The following SYNE2 variants were observed in gnomAD, a reference collection of about 807,000 sequenced individuals.
SYNE2 encodes the protein spectrin repeat containing nuclear envelope protein 2, also known as nesprin-2.
Under a neutral mutation model 856.3 loss-of-function variants are expected in SYNE2, and 431 were observed. The observed-to-expected ratio is 0.50, with a 90% CI of 0.47 to 0.55. SYNE2 has a LOEUF of 0.55. Ranked by LOEUF, SYNE2 falls within the 20% of genes least tolerant of loss-of-function variation. The pLI is 0.00. For missense variants in SYNE2, 8,129 were observed against 8,023.2 expected (o/e 1.01, Z -0.50); for synonymous variants, 2,923 against 2,872.3 (o/e 1.02, Z -0.56).
Position 64,215,336 on chromosome 14 carries a change from A to G in SYNE2, c.19384A>G (p.Thr6462Ala). Residue 6462 changes from threonine to alanine, a missense_variant, in exon 107 of 116, where the codon ACT (threonine) becomes GCT (alanine). Thr to Ala is a moderately conservative substitution (Grantham distance 58). Transcript: ENST00000555002. ...GGCATATCTTAAAATGACCACAAAA[A>G]CTTTGAAAGCGTCTTCTGGTAGGCC... ...PEAYLKMTTK[T>A]LKASSGKSIS... 3 of 1,614,044 alleles carry G rather than the reference A, an allele frequency of 1.9e-6. No individual in the cohort carries two copies. Among genetic ancestry groups the G allele is most frequent in the Non-Finnish European group, 2.5e-6 (3 of 1,180,000 alleles).
chr14:64,099,016 A>T (rs1175626422), intron 63 of SYNE2, 195 bp downstream of exon 63: 3 of 596,192 alleles, frequency 5.0e-6, no homozygotes, highest in Non-Finnish European at 9.0e-6. Context: ...TGTAAGAGTG[A>T]GATGAATGTA....
chr14:63,957,379 C>T (rs1284881570), intron 8 of SYNE2, among the ~76,000 whole-genome samples: 2 of 150,372 alleles, frequency 1.3e-5, no homozygotes, highest in Admixed American at 6.7e-5. Context: ...AGTGATTCTC[C>T]TGCCTCAGCC....
At chr14:64,195,474 A>G (rs922761093) in intron 99 of SYNE2, among the ~76,000 whole-genome samples, 1 of 152,212 alleles carries the variant, frequency 6.6e-6, no homozygotes, top group African/African-American at 2.4e-5. Context: ...CTTGAAGATT[A>G]GCTCCTTCCT....
intron 1 of SYNE2, among the ~76,000 whole-genome samples, chr14:63,905,913 A>T (rs747092675): frequency 6.6e-6 from 1 of 152,116 alleles, no homozygotes; most frequent in African/African-American, 2.4e-5. Context: ...TTGCCCGTTG[A>T]ATATGATGTT....
chr14:63,980,743 T>G lies in SYNE2; in HGVS notation c.1648+11T>G. 1 of 1,533,590 alleles carries G rather than the reference T, an allele frequency of 6.5e-7. No individual in the cohort carries two copies. The highest frequency in any genetic ancestry group is 9.0e-7 in the Non-Finnish European group (1 of 1,107,662). The allele number at this position is 1,533,590 out of a possible 1,614,324, so 95.0% of individuals were successfully genotyped here. ...TTTATAAGAATTTGGGTAAAGTGGT[T>G]CAGTTACTTTCTGATGGAATGACTG... is the stretch of plus-strand genomic sequence containing the variant. On this transcript the variant is annotated intron_variant, in intron 15 of 115. Transcript: ENST00000555002.
Position 64,144,040 on chromosome 14 carries a change from A to G in SYNE2, c.15483+92A>G. ...AAAAAGACGTTCAATTAGTTGACTG[A>G]TTATTAAGCCTAATAATCATCTCAA... On this transcript the variant is annotated intron_variant, in intron 83 of 115. Transcript: ENST00000555002. 6.2e-6 allele frequency: 9 copies of G among 1,461,928 alleles called. 1 individual carries two copies. In the South Asian group the frequency reaches 9.1e-5, roughly 15 times the overall value. 90.6% of individuals were successfully genotyped at this position (1,461,928 alleles called of 1,614,324 possible). A position where few individuals can be genotyped will look rare whatever the true frequency, so the allele number is the denominator to read the frequency against.
At chr14:64,129,179 C>A (rs548567992) in intron 74 of SYNE2, among the ~76,000 whole-genome samples, 1 of 152,130 alleles carries the variant, frequency 6.6e-6, no homozygotes, top group African/African-American at 2.4e-5. Flanking sequence ...CAGTGGCACA[C>A]GGCTGTAGTC....
intron 1 of SYNE2, among the ~76,000 whole-genome samples, chr14:63,841,732 T>C (rs1037985977): frequency 1.3e-5 from 2 of 152,172 alleles, no homozygotes; most frequent in Admixed American, 6.6e-5. Context: ...TTCAGATTTC[T>C]CTTATGAAGT....
chr14:63,793,041 A>G (rs1005325678), intron 1 of SYNE2, among the ~76,000 whole-genome samples: 1 of 152,168 alleles, frequency 6.6e-6, no homozygotes, highest in African/African-American at 2.4e-5. Context: ...TTAAAGCTAT[A>G]TTATTAGCAC....
rs143359255 is a variant in SYNE2, at chr14:64,157,307, C to T, written c.15793-1318C>T. ...CTAGTCTACCTTCTTATGGATTTAC[C>T]TATTCTGGACGTTTTATATAAATAG... is the stretch of plus-strand genomic sequence containing the variant. On this transcript the variant is annotated intron_variant, in intron 85 of 115. Transcript: ENST00000555002. 2.5e-3 allele frequency among the ~76,000 whole-genome samples: 378 copies of T among 152,282 alleles called. 1 individual carries two copies. The highest frequency in any genetic ancestry group is 8.7e-3 in the African/African-American group (362 of 41,544).
chr14:63,779,870 G>A (rs1887246560), intron 1 of SYNE2, among the ~76,000 whole-genome samples: 1 of 152,046 alleles, frequency 6.6e-6, no homozygotes, highest in Admixed American at 6.6e-5. Context: ...CAGGGGCGGA[G>A]ATGGGCAGAG....
chr14:63,817,587 A>G (rs557102271), intron 1 of SYNE2, among the ~76,000 whole-genome samples: 8 of 152,356 alleles, frequency 5.3e-5, no homozygotes, highest in Admixed American at 3.9e-4. Context: ...AAATGGAGCT[A>G]GTTCAAGTTG....
rs955153239 is a variant in SYNE2, at chr14:63,803,455, G to C, written c.-305+41469G>C. ...CGGTGAGAAATCGAGCGCAGTGCCG[G>C]TGGGCTGGCACTGCTGGGGGACCCA... is the stretch of plus-strand genomic sequence containing the variant. On this transcript the variant is annotated intron_variant, in intron 1 of 23. Coordinates refer to the SYNE2 transcript ENST00000674003. Among the ~76,000 whole-genome samples, 7 of 152,224 alleles carry C rather than the reference G, an allele frequency of 4.6e-5. 1 individual carries two copies. The highest frequency in any genetic ancestry group is 1.0e-4 in the Non-Finnish European group (7 of 68,024).
At chr14:64,077,917 A>G (rs1037893786) in intron 54 of SYNE2, among the ~76,000 whole-genome samples, 2 of 152,218 alleles carry the variant, frequency 1.3e-5, no homozygotes, top group African/African-American at 4.8e-5. Flanking sequence ...GGTTACACAG[A>G]GAATAATTAA....
chr14:64,190,768 C>A, intron 99 of SYNE2: 1 of 654,584 alleles, frequency 1.5e-6, no homozygotes, highest in Non-Finnish European at 2.8e-6. Flanking sequence ...GATTTGGGCG[C>A]AGCCCAGTCC....
chr14:64,184,259 G>T (rs914397641), intron 96 of SYNE2, among the ~76,000 whole-genome samples: 1 of 152,032 alleles, frequency 6.6e-6, no homozygotes, highest in Non-Finnish European at 1.5e-5. Flanking sequence ...CGTGAGCAGT[G>T]TTGTCATGGT....
chr14:64,179,970 G>A (rs1044764333), intron 96 of SYNE2, among the ~76,000 whole-genome samples: 12 of 152,102 alleles, frequency 7.9e-5, no homozygotes, highest in African/African-American at 2.4e-4. Context: ...CATAAAATAC[G>A]TGCTTACATT....
chr14:64,174,106 CTG>C (rs944433049), intron 94 of SYNE2: 3 of 485,112 alleles, frequency 6.2e-6, no homozygotes, highest in Non-Finnish European at 1.1e-5. Context: ...AAGCGTCACT[CTG>C]TCACCCAGGC....
intron 85 of SYNE2, among the ~76,000 whole-genome samples, chr14:64,157,725 A>G (rs1405072164): frequency 2.0e-5 from 3 of 152,220 alleles, no homozygotes; most frequent in Admixed American, 1.3e-4. Flanking sequence ...CAGTTTTTCC[A>G]CATCGTCACC....
Sources: gnomAD v4.1 joint callset for allele counts (sites outside exome capture counted in the v4.1 genomes callset) on GRCh38, gnomAD v4.1.1 for gene constraint, MANE v1.5 for transcripts, NCBI Gene and HGNC (gene_info 2026-07-23, HGNC 2026-07-21) for gene names.